The following BCL11B variants were observed in gnomAD, a reference collection of about 807,000 sequenced individuals.
The protein encoded by BCL11B is B-cell lymphoma/leukemia 11B.
Under a neutral mutation model 49.9 loss-of-function variants are expected in BCL11B, and 8 were observed. That is an observed-to-expected ratio of 0.16 (90% CI 0.09 to 0.29). The LOEUF is 0.29. Among genes scored for constraint, BCL11B ranks in the 10% least tolerant of loss-of-function variants. The pLI is 1.00. For synonymous variants in BCL11B, 739 were observed against 637.4 expected (o/e 1.16, Z -2.40); for missense variants, 1,006 against 1,351.0 (o/e 0.74, Z 4.00).
In BCL11B at chr14:99,257,356, C is replaced by T; in HGVS notation, c.427+115G>A. On this transcript the variant is annotated intron_variant, in intron 2 of 3. Transcript: ENST00000357195. This position sits in a 1 kb window ranked among gnomAD's most constrained non-coding sequence, Gnocchi z 6.2. ...GAAAGGGGGAGCCCCGGCTGGTGGC[C>T]CAGAGGCCATCCTGGAAGCCCCTGG... 1 of 1,379,470 alleles carries T rather than the reference C, an allele frequency of 7.2e-7. No individual in the cohort carries two copies. Among genetic ancestry groups the T allele is most frequent in the Non-Finnish European group, 9.6e-7 (1 of 1,040,514 alleles). The allele number at this position is 1,379,470 out of a possible 1,614,324, so 85.5% of individuals were successfully genotyped here.
rs1229366651 is a variant in BCL11B at position 99,242,847 on chromosome 14, C to T, written c.428-11290G>A. Reference sequence around the variant, plus strand: ...ATGGAGCCCCAATAGGACACTTAGGCCCTCTGGCTTCCCTAGTGAAGGTAC... The same window carrying T: ...ATGGAGCCCCAATAGGACACTTAGGTCCTCTGGCTTCCCTAGTGAAGGTAC... On this transcript the variant is annotated intron_variant, in intron 2 of 3. Transcript: ENST00000357195. The surrounding 1 kb of genome is among the most constrained non-coding windows in gnomAD (Gnocchi z 4.4). Among the ~76,000 whole-genome samples the T allele has an allele frequency of 1.3e-5, 2 of 152,214 alleles. No homozygotes were observed. Among genetic ancestry groups the T allele is most frequent in the Non-Finnish European group, 2.9e-5 (2 of 68,036 alleles).
chr14:99,214,449 T>C (rs1490313791), intron 3 of BCL11B, among the ~76,000 whole-genome samples: 1 of 151,712 alleles, frequency 6.6e-6, no homozygotes, highest in African/African-American at 2.4e-5. Flanking sequence ...TCCCAGCTAC[T>C]TAGGAGGCTG....
In BCL11B at chr14:99,192,580, C is replaced by G. The variant is rs1427619060; in HGVS notation, c.641-16385G>C. ...CTCCTCTACCCTCCTGCTGTCCTGCCAGGTACCAGGTGTACCAGACCGGCT... is the reference window on the plus strand; with the variant it reads ...CTCCTCTACCCTCCTGCTGTCCTGCGAGGTACCAGGTGTACCAGACCGGCT... On this transcript the variant is annotated intron_variant, in intron 3 of 3. Coordinates refer to ENST00000357195, the MANE Select transcript of BCL11B (RefSeq NM_138576.4). This position sits in a 1 kb window ranked among gnomAD's most constrained non-coding sequence, Gnocchi z 4.0. Among the ~76,000 whole-genome samples the G allele has an allele frequency of 6.6e-6, 1 of 152,352 alleles. No homozygotes were observed. Among genetic ancestry groups the G allele is most frequent in the East Asian group, 1.9e-4 (1 of 5,186 alleles).
In BCL11B at chr14:99,205,614, T is replaced by C. The variant is rs1364119601; in HGVS notation, c.640+25731A>G. Among the ~76,000 whole-genome samples the C allele has an allele frequency of 6.6e-6, 1 of 152,126 alleles. No homozygotes were observed. Among genetic ancestry groups the C allele is most frequent in the African/African-American group, 2.4e-5 (1 of 41,482 alleles). On this transcript the variant is annotated intron_variant, in intron 3 of 3. Coordinates refer to ENST00000357195, the MANE Select transcript of BCL11B (RefSeq NM_138576.4). The surrounding 1 kb of genome is among the most constrained non-coding windows in gnomAD (Gnocchi z 5.0). ...AGAGGAGGAAAAAGGAGCCCAAAAT[T>C]TGACAGGACATTTGAAGCATCCGCC...
intron 3 of BCL11B, among the ~76,000 whole-genome samples, chr14:99,221,398 T>A (rs566199597): frequency 6.6e-6 from 1 of 152,232 alleles, no homozygotes; most frequent in Non-Finnish European, 1.5e-5. Flanking sequence ...ACTGACTCCA[T>A]TTTTGCATTC....
chr14:99,196,278 T>C (rs1346033868), intron 3 of BCL11B, among the ~76,000 whole-genome samples: 1 of 151,944 alleles, frequency 6.6e-6, no homozygotes, highest in Non-Finnish European at 1.5e-5. Context: ...GGAGGAAAGG[T>C]TCCAAAGTTC....
chr14:99,175,163 A>C lies in BCL11B; in HGVS notation c.1673T>G (p.Met558Arg), dbSNP rs775354357. Residue 558 changes from methionine to arginine, a missense_variant, in exon 4 of 4, where the codon ATG (methionine) becomes AGG (arginine). Met to Arg is a moderately conservative substitution (Grantham distance 91). Transcript: ENST00000357195. ...NESRPESSFS[M>R]DSELSRNREN... The stretch of plus-strand genomic sequence containing the variant: ...GCGGTTGCGGCTCAGCTCCGAGTCC[A>C]TGCTGAAGCTCGACTCGGGCCGGCT... 4 of 1,592,160 alleles carry C rather than the reference A, an allele frequency of 2.5e-6. No homozygotes were observed.
intron 3 of BCL11B, among the ~76,000 whole-genome samples, chr14:99,224,375 T>C (rs1277509954): frequency 2.6e-5 from 4 of 152,154 alleles, no homozygotes; most frequent in Non-Finnish European, 5.9e-5. Flanking sequence ...GTGCCTCTTC[T>C]TGGGAGCGTT....
Position 99,257,587 on chromosome 14 carries a change from G to A in BCL11B, c.311C>T (p.Ser104Phe), listed in dbSNP as rs776593886. The A allele has an allele frequency of 6.2e-7, 1 of 1,614,142 alleles. No individual in the cohort carries two copies. Among genetic ancestry groups the A allele is most frequent in the South Asian group, 1.1e-5 (1 of 91,086 alleles). ...DKDSPPPSSR[S>F]ELRKVSEPVE... ...CGGCTCGGACACTTTCCTGAGCTCG[G>A]AGCGTGAGGAGGGTGGCGGGCTGTC... Residue 104 changes from serine to phenylalanine, a missense_variant, in exon 2 of 4, where the codon TCC (serine) becomes TTC (phenylalanine). Transcript: ENST00000357195. This position sits in a 1 kb window ranked among gnomAD's most constrained non-coding sequence, Gnocchi z 6.2.
In BCL11B at chr14:99,175,213, C is replaced by G. The variant is rs1886457681; in HGVS notation, c.1623G>C (p.Glu541Asp). The stretch of plus-strand genomic sequence containing the variant: ...TCTCGTTCTCCAGTAGCAGCTCCTC[C>G]TCCTCCTCCTCCTCCTCCTCGTCCT... ...EEEDEEEEEE[E>D]EELLLENESR... The change falls in exon 4 of 4, where the codon GAG (glutamate) becomes GAC (aspartate). Residue 541 changes from glutamate to aspartate, a missense_variant. By Grantham distance (45) the Glu-to-Asp change is conservative. Transcript: ENST00000357195. The G allele has an allele frequency of 1.3e-6, 2 of 1,547,322 alleles. No individual in the cohort carries two copies. The highest frequency in any genetic ancestry group is 1.9e-5 in the Admixed American group (1 of 51,742).
At chr14:99,254,098 C>A (rs902171150) in intron 2 of BCL11B, among the ~76,000 whole-genome samples, 2 of 152,212 alleles carry the variant, frequency 1.3e-5, no homozygotes, top group African/African-American at 4.8e-5. Flanking sequence ...ATGTTGGACG[C>A]CCGCTCCCTC....
chr14:99,178,148 A>C (rs1449201022), intron 3 of BCL11B, among the ~76,000 whole-genome samples: 1 of 152,132 alleles, frequency 6.6e-6, no homozygotes, highest in Non-Finnish European at 1.5e-5. Flanking sequence ...CCAACACTAG[A>C]AACCGAGCCA....
chr14:99,261,118 G>C (rs1015786692), intron 1 of BCL11B, among the ~76,000 whole-genome samples: 10 of 152,194 alleles, frequency 6.6e-5, no homozygotes, highest in Admixed American at 5.2e-4. Flanking sequence ...TGCTGTGTGC[G>C]ACACTTCCCA....
In BCL11B at chr14:99,232,960, C is replaced by T. The variant is rs189408692; in HGVS notation, c.428-1403G>A. Among the ~76,000 whole-genome samples, 1 of 152,304 alleles carries T rather than the reference C, an allele frequency of 6.6e-6. No individual in the cohort carries two copies. The highest frequency in any genetic ancestry group is 1.5e-5 in the Non-Finnish European group (1 of 68,020). ...GCTAACACCAACACTGCTCGGAACC[C>T]CCTGAACCAACAAAGACCTCATACT... On this transcript the variant is annotated intron_variant, in intron 2 of 3. Transcript: ENST00000357195. This position sits in a 1 kb window ranked among gnomAD's most constrained non-coding sequence, Gnocchi z 5.1.
chr14:99,169,828 G>C lies in BCL11B; in HGVS notation c.*4323C>G. The C allele has an allele frequency of 4.4e-6, 1 of 226,776 alleles. No individual in the cohort carries two copies. Among genetic ancestry groups the C allele is most frequent in the East Asian group, 6.3e-5 (1 of 15,762 alleles). The allele number at this position is 226,776 out of a possible 1,614,324, so 14.0% of individuals were successfully genotyped here. A position where few individuals can be genotyped will look rare whatever the true frequency, so the allele number is the denominator to read the frequency against. ...TTCCTTACTTTTCACATTTTGCTTA[G>C]AGTAATTCAGTCTCCTTCTCTCCCC... On this transcript the variant is annotated 3_prime_UTR_variant, in exon 4 of 4. Coordinates refer to ENST00000357195, the MANE Select transcript of BCL11B (RefSeq NM_138576.4).
Position 99,257,375 on chromosome 14 carries a change from C to G in BCL11B, c.427+96G>C. 2.1e-6 allele frequency: 3 copies of G among 1,460,956 alleles called. No individual in the cohort carries two copies. Among genetic ancestry groups the G allele is most frequent in the Non-Finnish European group, 2.7e-6 (3 of 1,095,828 alleles). 90.5% of individuals were successfully genotyped at this position (1,460,956 alleles called of 1,614,324 possible). On this transcript the variant is annotated intron_variant, in intron 2 of 3. Coordinates refer to ENST00000357195, the MANE Select transcript of BCL11B (RefSeq NM_138576.4). This position sits in a 1 kb window ranked among gnomAD's most constrained non-coding sequence, Gnocchi z 6.2. ...GGTGGCCCAGAGGCCATCCTGGAAG[C>G]CCCTGGGCCTTCCCCTGCACCAGCA...
In BCL11B at chr14:99,173,489, A is replaced by C. The variant is rs1471246573; in HGVS notation, c.*662T>G. 1 of 215,276 alleles carries C rather than the reference A, an allele frequency of 4.6e-6. No homozygotes were observed. Among genetic ancestry groups the C allele is most frequent in the African/African-American group, 2.3e-5 (1 of 44,294 alleles). 13.3% of individuals were successfully genotyped at this position (215,276 alleles called of 1,614,324 possible). A position where few individuals can be genotyped will look rare whatever the true frequency, so the allele number is the denominator to read the frequency against. On this transcript the variant is annotated 3_prime_UTR_variant, in exon 4 of 4. Transcript: ENST00000357195. The stretch of plus-strand genomic sequence containing the variant: ...CATCTCCATTCCAGTTCTGAAACAA[A>C]GTGCTACGACTTGAAAGATTGTTAT...
intron 2 of BCL11B, among the ~76,000 whole-genome samples, chr14:99,235,670 CTTT>C (rs564905130): frequency 1.4e-5 from 2 of 143,242 alleles, no homozygotes; most frequent in East Asian, 4.1e-4. Context: ...TCTTGGGCTT[CTTT>C]TTTTTTTCTT....
chr14:99,175,644 T>C lies in BCL11B; in HGVS notation c.1192A>G (p.Ser398Gly), dbSNP rs1220766094. 2 of 1,560,406 alleles carry C rather than the reference T, an allele frequency of 1.3e-6. No individual in the cohort carries two copies. The highest frequency in any genetic ancestry group is 1.7e-6 in the Non-Finnish European group (2 of 1,163,010). Residue 398 changes from serine to glycine, a missense_variant, in exon 4 of 4, where the codon AGC (serine) becomes GGC (glycine). Transcript: ENST00000357195. ...MHRLLNPFQP[S>G]PKSPFLSTPP... is the part of the protein sequence containing the mutation. ...GTGCTCAGGAACGGGGACTTGGGGCTGGGCTGGAAGGGGTTCAGGAGCCGG... is the reference window on the plus strand; with the variant it reads ...GTGCTCAGGAACGGGGACTTGGGGCCGGGCTGGAAGGGGTTCAGGAGCCGG...
Sources: allele counts gnomAD v4.1 joint callset (sites outside exome capture counted in the v4.1 genomes callset), GRCh38; gene constraint gnomAD v4.1.1; non-coding constraint Gnocchi (gnomAD v3.1); transcripts MANE v1.5; gene names NCBI Gene and HGNC (gene_info 2026-07-23, HGNC 2026-07-21).